Variants in ASIC2 observed in about 807,000 individuals in gnomAD.
ASIC2 encodes the protein acid-sensing ion channel 2.
In ASIC2, 25 loss-of-function variants were observed where a neutral mutation model predicts 57.3. The observed-to-expected ratio is 0.44, with a 90% CI of 0.32 to 0.61. The LOEUF is 0.61. Ranked by LOEUF, ASIC2 falls within the 20% of genes least tolerant of loss-of-function variation. ASIC2 has a pLI of 0.06. For synonymous variants in ASIC2, 319 were observed against 307.5 expected, an observed-to-expected ratio of 1.04 and a Z score of -0.39; for missense variants, 641 against 738.1, an observed-to-expected ratio of 0.87 and a Z score of 1.52.
chr17:34,095,637 A>ATATATATATATATATATATATATAATTT (rs1910502002), intron 1 of ASIC2, among the ~76,000 whole-genome samples: 1 of 126,686 alleles, frequency 7.9e-6, no homozygotes, highest in African/African-American at 3.6e-5. Context: ...ATAATTTTAT[A>ATATATATATATATATATATATATAATTT]TATATATATA....
intron 1 of ASIC2, among the ~76,000 whole-genome samples, chr17:33,845,500 A>T (rs1046634336): frequency 6.6e-6 from 1 of 152,212 alleles, no homozygotes; most frequent in Non-Finnish European, 1.5e-5. Context: ...ACATACATTT[A>T]GGAGGAACAG....
chr17:33,427,047 C>A lies in ASIC2; in HGVS notation c.556-314980G>T, dbSNP rs146301235. 1.6e-3 allele frequency among the ~76,000 whole-genome samples: 242 copies of A among 152,206 alleles called. 4 individuals are homozygous for A. The highest frequency in any genetic ancestry group is 5.6e-3 in the African/African-American group (234 of 41,528). ...AGGAGCTGCAGTTAAGCCTGCATGG[C>A]CAGAAACAGTGATCAAGGTGCAAAA... is the stretch of plus-strand genomic sequence containing the variant. On this transcript the variant is annotated intron_variant, in intron 1 of 9. Coordinates refer to the ASIC2 transcript ENST00000359872.
chr17:33,623,242 T>TTGTTTG (rs1555547986), intron 1 of ASIC2, among the ~76,000 whole-genome samples: 874 of 73,876 alleles, frequency 0.012, 15 homozygotes, highest in African/African-American at 0.048. Context: ...TATCGTTTTT[T>TTGTTTG]TTTGTTTGTT....
chr17:33,714,633 A>G (rs1266505273), intron 1 of ASIC2, among the ~76,000 whole-genome samples: 4 of 152,188 alleles, frequency 2.6e-5, no homozygotes, highest in Non-Finnish European at 5.9e-5. Flanking sequence ...ACCCAAGTTC[A>G]TGGATCTCGA....
chr17:33,434,667 T>C (rs1911543635), intron 1 of ASIC2, among the ~76,000 whole-genome samples: 1 of 152,190 alleles, frequency 6.6e-6, no homozygotes, highest in Non-Finnish European at 1.5e-5. Context: ...CTCAAGACAA[T>C]GAGCACTTCT....
At position 33,383,538 on chromosome 17, in the gene ASIC2, A is replaced by G. The variant is rs116753226; in HGVS notation, c.556-271471T>C. On this transcript the variant is annotated intron_variant, in intron 1 of 9. Coordinates refer to the ASIC2 transcript ENST00000359872. ...GAAACTCATCCCAATATCAATAGTA[A>G]ATTGATCTTTTGACTCATACTTTGC... Among the ~76,000 whole-genome samples, 522 of 152,268 alleles carry G rather than the reference A, an allele frequency of 3.4e-3. 2 individuals carry two copies. Among genetic ancestry groups the G allele is most frequent in the African/African-American group, 0.012 (496 of 41,546 alleles).
chr17:33,536,122 T>C (rs1007977169), intron 1 of ASIC2, among the ~76,000 whole-genome samples: 12 of 152,222 alleles, frequency 7.9e-5, no homozygotes, highest in Non-Finnish European at 1.2e-4. Context: ...TTTTTCCACC[T>C]GTGAAGGCTG....
chr17:33,392,666 T>A (rs1405260328), intron 1 of ASIC2, among the ~76,000 whole-genome samples: 1 of 152,110 alleles, frequency 6.6e-6, no homozygotes, highest in Non-Finnish European at 1.5e-5. Flanking sequence ...TGTCACATGG[T>A]CAAGTCACAG....
At chr17:33,625,879 G>A (rs12951322) in intron 1 of ASIC2, among the ~76,000 whole-genome samples, 79,978 of 152,002 alleles carry the variant, frequency 0.53, 21,644 homozygotes, top group African/African-American at 0.64. Context: ...AGATTTGGAG[G>A]TGCAGGTGGA....
At chr17:33,109,987 G>A in intron 2 of ASIC2, among the ~76,000 whole-genome samples, 1 of 152,154 alleles carries the variant, frequency 6.6e-6, no homozygotes, top group East Asian at 1.9e-4. Context: ...TATCCCACAG[G>A]GAACTGTGCT....
At chr17:33,625,145 A>C in intron 1 of ASIC2, among the ~76,000 whole-genome samples, 2 of 151,834 alleles carry the variant, frequency 1.3e-5, no homozygotes, top group East Asian at 1.9e-4. Context: ...CTATCTATCT[A>C]TCTATCTATC....
chr17:34,140,164 G>C lies in ASIC2; in HGVS notation c.555+15814C>G, dbSNP rs574285605. Among the ~76,000 whole-genome samples the C allele has an allele frequency of 3.9e-5, 6 of 152,244 alleles. No individual in the cohort carries two copies. The East Asian group carries it at 1.2e-3, about 29-fold the overall frequency. On this transcript the variant is annotated intron_variant, in intron 1 of 9. Coordinates refer to the ASIC2 transcript ENST00000359872. ...AGGAGGGCACCAGAGCGAAGGAGAA[G>C]AGGGCATCCAAGCGGAACAGAAGCC...
chr17:33,393,485 C>T (rs1347580108), intron 1 of ASIC2, among the ~76,000 whole-genome samples: 2 of 152,156 alleles, frequency 1.3e-5, no homozygotes, highest in Non-Finnish European at 2.9e-5. Context: ...GCCATAGCAA[C>T]TTTCCTCATC....
At chr17:33,166,128 T>G (rs1905299013) in intron 1 of ASIC2, among the ~76,000 whole-genome samples, 1 of 152,230 alleles carries the variant, frequency 6.6e-6, no homozygotes, top group Non-Finnish European at 1.5e-5. Flanking sequence ...TATAAAGTAC[T>G]TCTGTCAGGC....
intron 1 of ASIC2, among the ~76,000 whole-genome samples, chr17:33,333,746 A>T (rs1473772213): frequency 6.6e-6 from 1 of 152,256 alleles, no homozygotes; most frequent in Non-Finnish European, 1.5e-5. Flanking sequence ...TGATTAGAAA[A>T]TCATCTGCCT....
chr17:33,150,311 T>G (rs904895433), intron 1 of ASIC2, among the ~76,000 whole-genome samples: 4 of 152,206 alleles, frequency 2.6e-5, no homozygotes, highest in African/African-American at 9.7e-5. Flanking sequence ...ACCTGCCCAG[T>G]ACAGGTGCAC....
At position 33,120,776 on chromosome 17, in the gene ASIC2, C is replaced by G. The variant is rs78156693; in HGVS notation, c.709-8709G>C. The stretch of plus-strand genomic sequence containing the variant: ...CTCTTTCTTCTGAGGTCTCTACTGT[C>G]TGTCTCCTGTAGATAGTAGGGGTTG... On this transcript the variant is annotated intron_variant, in intron 1 of 9. Coordinates refer to ENST00000225823, the MANE Select transcript of ASIC2 (RefSeq NM_183377.2). 2.1e-3 allele frequency among the ~76,000 whole-genome samples: 315 copies of G among 152,318 alleles called. 5 individuals carry two copies. The East Asian group carries it at 0.057, about 28-fold the overall frequency.
At chr17:33,034,590 G>C (rs893601935) in intron 3 of ASIC2, among the ~76,000 whole-genome samples, 5 of 152,156 alleles carry the variant, frequency 3.3e-5, no homozygotes, top group Middle Eastern at 3.2e-3. Context: ...CATTTTGGCT[G>C]TAGATAGAAT....
intron 1 of ASIC2, among the ~76,000 whole-genome samples, chr17:33,817,110 T>A (rs1472251986): frequency 1.3e-5 from 2 of 152,152 alleles, no homozygotes; most frequent in African/African-American, 4.8e-5. Context: ...CTGGCCCCCA[T>A]GCCAGAGGGT....
Sources: allele counts gnomAD v4.1 joint callset (sites outside exome capture counted in the v4.1 genomes callset), GRCh38; gene constraint gnomAD v4.1.1; transcripts MANE v1.5; gene names NCBI Gene and HGNC (gene_info 2026-07-23, HGNC 2026-07-21).